TACR2: variants seen among roughly 807,000 people sequenced by gnomAD.
TACR2 encodes the protein tachykinin receptor 2.
In TACR2, 24 loss-of-function variants were observed where a neutral mutation model predicts 28.9. The ratio of observed to expected loss-of-function variants is 0.83; its 90% CI spans 0.60 to 1.17. The LOEUF (loss-of-function observed/expected upper bound fraction) is 1.17. Ranked by LOEUF, TACR2 falls within the 50% of genes most tolerant of loss-of-function variation. The pLI is 0.00. For missense variants in TACR2, 487 were observed against 524.4 expected, an observed-to-expected ratio of 0.93 and a Z score of 0.70; for synonymous variants, 222 against 212.6, an observed-to-expected ratio of 1.04 and a Z score of -0.38.
At chr10:69,410,810 C>T (rs928696443) in intron 2 of TACR2, among the ~76,000 whole-genome samples, 10 of 152,202 alleles carry the variant, frequency 6.6e-5, no homozygotes, top group Admixed American at 4.6e-4. Context: ...CTGTGACTCA[C>T]GTAGCGTTCT....
In TACR2 at chr10:69,414,850, T is replaced by C. The variant is rs916487101; in HGVS notation, c.587+95A>G. ...TACACCCATGCATGCACACCACACA[T>C]GCATGGACATGGATGCATGCACGCG... is the stretch of plus-strand genomic sequence containing the variant. On this transcript the variant is annotated intron_variant, in intron 2 of 4. Transcript: ENST00000373306. 9.5e-6 allele frequency: 13 copies of C among 1,372,196 alleles called. No homozygotes were observed. In the African/African-American group the frequency reaches 1.7e-4, roughly 18 times the overall value. 85.0% of individuals were successfully genotyped at this position (1,372,196 alleles called of 1,614,324 possible). A position where few individuals can be genotyped will look rare whatever the true frequency, so the allele number is the denominator to read the frequency against.
chr10:69,416,428 A>G lies in TACR2; in HGVS notation c.-105T>C. Reference sequence around the variant, plus strand: ...AGCATGGGAATATGGGGGCAGGGAGAGGAGCAGATGCCAAGCGTGGTGGCA... The same window carrying G: ...AGCATGGGAATATGGGGGCAGGGAGGGGAGCAGATGCCAAGCGTGGTGGCA... On this transcript the variant is annotated 5_prime_UTR_variant, in exon 1 of 5. Coordinates refer to ENST00000373306, the MANE Select transcript of TACR2 (RefSeq NM_001057.3). 1 of 1,477,622 alleles carries G rather than the reference A, an allele frequency of 6.8e-7. No homozygotes were observed. 91.5% of individuals were successfully genotyped at this position (1,477,622 alleles called of 1,614,324 possible). A position where few individuals can be genotyped will look rare whatever the true frequency, so the allele number is the denominator to read the frequency against.
In TACR2 at chr10:69,408,968, T is replaced by C; in HGVS notation, c.695A>G (p.His232Arg). The C allele has an allele frequency of 6.3e-7, 1 of 1,599,282 alleles. No individual in the cohort carries two copies. The change falls in exon 3 of 5, where the codon CAT (histidine) becomes CGT (arginine). Residue 232 changes from histidine (H) to arginine (R), a missense_variant. His to Arg is a conservative substitution (Grantham distance 29). Coordinates refer to ENST00000373306, the MANE Select transcript of TACR2 (RefSeq NM_001057.3). ...LTLWRRAVPG[H>R]QAHGANLRHL... ...GCGCAGGTTGGCACCGTGCGCCTGA[T>C]GTCCGGGCACTGCGCGCCTCCAGAG...
At chr10:69,414,847 A>T (rs1412378642) in intron 2 of TACR2, 98 bp downstream of exon 2, 1 of 1,293,840 alleles carries the variant, frequency 7.7e-7, no homozygotes, top group Non-Finnish European at 1.1e-6. Context: ...TGCACACCAC[A>T]CATGCATGGA....
In TACR2 at chr10:69,409,865, G is replaced by GTA. The variant is rs755195281; in HGVS notation, c.588-792_588-791dup. Among the ~76,000 whole-genome samples, 194 of 118,950 alleles carry GTA rather than the reference G, an allele frequency of 1.6e-3. 4 individuals carry two copies. In the East Asian group the frequency reaches 0.017, roughly 11 times the overall value. The allele number at this position is 118,950 out of a possible 152,430, so 78.0% of individuals were successfully genotyped here. On this transcript the variant is annotated intron_variant, in intron 2 of 4. Coordinates refer to ENST00000373306, the MANE Select transcript of TACR2 (RefSeq NM_001057.3). ...CGTATACGTATATGTATATGTATAT[G>GTA]TATATATATATATATACATATATAC...
Position 69,415,146 on chromosome 10 carries a change from G to A in TACR2, c.393-7C>T. The A allele has an allele frequency of 6.2e-7, 1 of 1,605,798 alleles. No individual in the cohort carries two copies. The highest frequency in any genetic ancestry group is 8.5e-7 in the Non-Finnish European group (1 of 1,175,244). On this transcript the variant is annotated splice_polypyrimidine_tract_variant and splice_region_variant and intron_variant, in intron 1 of 4. Coordinates refer to ENST00000373306, the MANE Select transcript of TACR2 (RefSeq NM_001057.3). ...GTGGACGATGGCCATGTACCTGTGA[G>A]CAGAGGGCAGCTTGAGCGGCAGGGG...
At chr10:69,405,385 C>A (rs58022092) in intron 4 of TACR2, among the ~76,000 whole-genome samples, 8,734 of 152,208 alleles carry the variant, frequency 0.057, 746 homozygotes, top group African/African-American at 0.19. Context: ...ACCAACCAAC[C>A]AACAAACAAA....
chr10:69,416,533 T>A lies in TACR2; in HGVS notation c.-210A>T, dbSNP rs201951611. On this transcript the variant is annotated 5_prime_UTR_variant, in exon 1 of 5. Coordinates refer to ENST00000373306, the MANE Select transcript of TACR2 (RefSeq NM_001057.3). ...AGCACAAAGCCCAGTCCAGAACCAT[T>A]GTCATTTCAGATTCCATCCTTCCGG... The A allele has an allele frequency of 1.9e-6, 1 of 523,864 alleles. No homozygotes were observed. Among genetic ancestry groups the A allele is most frequent in the Non-Finnish European group, 3.2e-6 (1 of 310,134 alleles). The allele number at this position is 523,864 out of a possible 1,614,324, so 32.5% of individuals were successfully genotyped here.
chr10:69,415,229 C>T (rs575021336), intron 1 of TACR2, 90 bp from the exon 2 acceptor site: 23 of 1,396,342 alleles, frequency 1.6e-5, no homozygotes, highest in Admixed American at 4.5e-5. Context: ...CCCAGGCCCA[C>T]GCCTTCTAGC....
Position 69,416,340 on chromosome 10 carries a change from G to A in TACR2, c.-17C>T, listed in dbSNP as rs1840619393. On this transcript the variant is annotated 5_prime_UTR_variant, in exon 1 of 5. Coordinates refer to ENST00000373306, the MANE Select transcript of TACR2 (RefSeq NM_001057.3). Reference sequence around the variant, plus strand: ...GGTCCCCATGGCTGCTTCTGGGTCTGGAACAAAGGACCTGGCTCCTCGGCT... The same window carrying A: ...GGTCCCCATGGCTGCTTCTGGGTCTAGAACAAAGGACCTGGCTCCTCGGCT... 1 of 1,564,070 alleles carries A rather than the reference G, an allele frequency of 6.4e-7. No individual in the cohort carries two copies.
At position 69,409,919 on chromosome 10, in the gene TACR2, A is replaced by G. The variant is rs1338059130; in HGVS notation, c.588-844T>C. Among the ~76,000 whole-genome samples the G allele has an allele frequency of 1.2e-4, 8 of 66,186 alleles. 1 individual carries two copies. The highest frequency in any genetic ancestry group is 4.6e-4 in the African/African-American group (7 of 15,312). 43.4% of individuals were successfully genotyped at this position (66,186 alleles called of 152,430 possible). A position where few individuals can be genotyped will look rare whatever the true frequency, so the allele number is the denominator to read the frequency against. Reference sequence around the variant, plus strand: ...TATATATATACATATATATATATATATATATATATATATATATATATATAA... The same window carrying G: ...TATATATATACATATATATATATATGTATATATATATATATATATATATAA... On this transcript the variant is annotated intron_variant, in intron 2 of 4. Coordinates refer to ENST00000373306, the MANE Select transcript of TACR2 (RefSeq NM_001057.3).
At chr10:69,412,416 G>A (rs1840577095) in intron 2 of TACR2, among the ~76,000 whole-genome samples, 1 of 152,142 alleles carries the variant, frequency 6.6e-6, no homozygotes, top group African/African-American at 2.4e-5. Context: ...CAGATAAGAG[G>A]GGAGGAGGGG....
intron 3 of TACR2, among the ~76,000 whole-genome samples, chr10:69,408,154 G>A (rs1840521139): frequency 6.6e-6 from 1 of 152,168 alleles, no homozygotes; most frequent in South Asian, 2.1e-4. Flanking sequence ...ACCTTCGGGG[G>A]ACCCTGGATG....
In TACR2 at chr10:69,409,036, C is replaced by T; in HGVS notation, c.627G>A (p.Pro209=). 2 of 1,606,844 alleles carry T rather than the reference C, an allele frequency of 1.2e-6. No homozygotes were observed. Among genetic ancestry groups the T allele is most frequent in the Non-Finnish European group, 1.7e-6 (2 of 1,178,118 alleles). ...LVVIALIYFL[P]LAVMFVAYSV... ...TGTAGGCTACAAACATCACCGCGAGCGGCAGGAAGTAGATGAGGGCGATCA... is the reference window on the plus strand; with the variant it reads ...TGTAGGCTACAAACATCACCGCGAGTGGCAGGAAGTAGATGAGGGCGATCA... Residue 209 remains proline, a synonymous_variant, in exon 3 of 5, where the codon CCG becomes CCA. Coordinates refer to ENST00000373306, the MANE Select transcript of TACR2 (RefSeq NM_001057.3).
Position 69,416,355 on chromosome 10 carries a change from G to A in TACR2, c.-32C>T. The stretch of plus-strand genomic sequence containing the variant: ...TTCTGGGTCTGGAACAAAGGACCTG[G>A]CTCCTCGGCTCCTCTCGGATTTGCT... On this transcript the variant is annotated 5_prime_UTR_variant, in exon 1 of 5. Coordinates refer to ENST00000373306, the MANE Select transcript of TACR2 (RefSeq NM_001057.3). 2 of 1,543,746 alleles carry A rather than the reference G, an allele frequency of 1.3e-6. No homozygotes were observed. Among genetic ancestry groups the A allele is most frequent in the Admixed American group, 1.9e-5 (1 of 51,748 alleles).
intron 2 of TACR2, among the ~76,000 whole-genome samples, chr10:69,409,877 A>G (rs1474369827): frequency 7.2e-4 from 12 of 16,694 alleles, no homozygotes; most frequent in African/African-American, 4.3e-3. Flanking sequence ...ATATATATAT[A>G]TATACATATA....
chr10:69,410,655 A>T (rs945651750), intron 2 of TACR2, among the ~76,000 whole-genome samples: 1 of 151,940 alleles, frequency 6.6e-6, no homozygotes, highest in African/African-American at 2.4e-5. Context: ...ACCTGTGGAG[A>T]CAAAAGTGAC....
At chr10:69,414,336 C>T (rs909025918) in intron 2 of TACR2, among the ~76,000 whole-genome samples, 3 of 152,234 alleles carry the variant, frequency 2.0e-5, no homozygotes, top group Admixed American at 1.3e-4. Context: ...CCCAGACACA[C>T]GCCTACACAT....
At chr10:69,407,379 T>G in intron 3 of TACR2, 99 bp from the exon 4 acceptor site, 9 of 1,177,204 alleles carry the variant, frequency 7.6e-6, no homozygotes, top group Non-Finnish European at 1.1e-5. Flanking sequence ...ACCTGGGAAC[T>G]GCTCCACACA....
Sources: allele counts gnomAD v4.1 joint callset (sites outside exome capture counted in the v4.1 genomes callset), GRCh38; gene constraint gnomAD v4.1.1; transcripts MANE v1.5; gene names NCBI Gene and HGNC (gene_info 2026-07-23, HGNC 2026-07-21).